ATP11A: variants seen among roughly 807,000 people sequenced by gnomAD.
ATP11A encodes ATPase phospholipid transporting 11A.
In ATP11A, 81 loss-of-function variants were observed where a neutral mutation model predicts 154.4. That is an observed-to-expected ratio of 0.52 (90% CI 0.44 to 0.63). The LOEUF is 0.63. Ranked by LOEUF, ATP11A falls within the 30% of genes least tolerant of loss-of-function variation. The pLI is 0.00. For synonymous variants in ATP11A, 623 were observed against 585.9 expected, an observed-to-expected ratio of 1.06 and a Z score of -0.91; for missense variants, 1,316 against 1,474.3, an observed-to-expected ratio of 0.89 and a Z score of 1.76.
chr13:112,721,287 T>A (rs572977607), intron 1 of ATP11A, among the ~76,000 whole-genome samples: 1 of 152,196 alleles, frequency 6.6e-6, no homozygotes, highest in Non-Finnish European at 1.5e-5. Context: ...AGGGTCCATC[T>A]TAGTCAAGAA....
rs1458948545 is a variant in ATP11A at position 112,882,967 on chromosome 13, A to G, written c.*1101A>G. 5.0e-6 allele frequency: 2 copies of G among 398,856 alleles called. No homozygotes were observed. The highest frequency in any genetic ancestry group is 8.8e-6 in the Non-Finnish European group (2 of 226,458). 24.7% of individuals were successfully genotyped at this position (398,856 alleles called of 1,614,324 possible). On this transcript the variant is annotated 3_prime_UTR_variant, in exon 30 of 30. Coordinates refer to ENST00000375645, the MANE Select transcript of ATP11A (RefSeq NM_015205.3). The surrounding 1 kb of genome is among the most constrained non-coding windows in gnomAD (Gnocchi z 5.1). ...CACCGCACCTCTGCCCGCCTCCCGCACTGCAGCTCCGCCCGCCGGGCTCTG... is the reference window on the plus strand; with the variant it reads ...CACCGCACCTCTGCCCGCCTCCCGCGCTGCAGCTCCGCCCGCCGGGCTCTG...
chr13:112,819,491 C>T (rs1331819894), intron 7 of ATP11A, 84 bp downstream of exon 7: 3 of 1,166,970 alleles, frequency 2.6e-6, no homozygotes, highest in Non-Finnish European at 3.8e-6. Context: ...GTAGTCCAGC[C>T]ATGTGGTGGT....
rs1490358265 is a variant in ATP11A, at chr13:112,838,866, T to A, written c.1705+2615T>A. On this transcript the variant is annotated intron_variant, in intron 16 of 29. Transcript: ENST00000375645. The surrounding 1 kb of genome is among the most constrained non-coding windows in gnomAD (Gnocchi z 7.3). ...CAAGGTGTTCTGTAAGTAGTAGTCA[T>A]CCCCGGAGAGGTTCACTAATTGCAC... Among the ~76,000 whole-genome samples the A allele has an allele frequency of 6.6e-6, 1 of 152,176 alleles. No homozygotes were observed. The highest frequency in any genetic ancestry group is 1.5e-5 in the Non-Finnish European group (1 of 68,020).
chr13:112,782,996 G>A (rs1296267962), intron 1 of ATP11A, among the ~76,000 whole-genome samples: 1 of 152,244 alleles, frequency 6.6e-6, no homozygotes, highest in African/African-American at 2.4e-5. Flanking sequence ...GGGGCACATG[G>A]AGACTGCTGT....
At chr13:112,784,217 TAGG>T (rs1286979605) in intron 1 of ATP11A, among the ~76,000 whole-genome samples, 2 of 152,338 alleles carry the variant, frequency 1.3e-5, no homozygotes, top group African/African-American at 2.4e-5. Flanking sequence ...CAGAAATTTC[TAGG>T]AGAAGGATGT....
chr13:112,841,967 G>A (rs918180315), intron 16 of ATP11A, among the ~76,000 whole-genome samples: 1 of 152,198 alleles, frequency 6.6e-6, no homozygotes, highest in Non-Finnish European at 1.5e-5. Context: ...CCCAACGCCC[G>A]TCCCGAGGGC....
rs1377386234 is a variant in ATP11A at position 112,711,779 on chromosome 13, G to A, written c.39+21324G>A. Among the ~76,000 whole-genome samples the A allele has an allele frequency of 3.3e-5, 5 of 152,220 alleles. No homozygotes were observed. The East Asian group carries it at 7.7e-4, about 23-fold the overall frequency. ...TGTTCCCGGGACTGGGAAACAGCCC[G>A]GATGTGTGGAGTAAGAGGCAGCTCT... On this transcript the variant is annotated intron_variant, in intron 1 of 29. Transcript: ENST00000375645.
At chr13:112,867,622 T>G (rs1021157074) in intron 25 of ATP11A, among the ~76,000 whole-genome samples, 4 of 152,222 alleles carry the variant, frequency 2.6e-5, no homozygotes, top group African/African-American at 9.6e-5. Flanking sequence ...GTGGGCACTG[T>G]GGCTCTGCTG....
chr13:112,768,444 C>A (rs767527613), intron 1 of ATP11A, among the ~76,000 whole-genome samples: 1 of 152,230 alleles, frequency 6.6e-6, no homozygotes, highest in African/African-American at 2.4e-5. Context: ...CACAGACTGT[C>A]GCCAGCTGAG....
At chr13:112,816,352 T>G (rs1456571819) in intron 6 of ATP11A, 141 bp downstream of exon 6, 9 of 1,004,842 alleles carry the variant, frequency 9.0e-6, no homozygotes, top group Non-Finnish European at 1.1e-5. Context: ...AGCCATGTTT[T>G]TCCTCACTTT....
chr13:112,699,550 T>C (rs183749869), intron 1 of ATP11A, among the ~76,000 whole-genome samples: 3 of 152,374 alleles, frequency 2.0e-5, no homozygotes, highest in South Asian at 4.1e-4. Flanking sequence ...TTGTGAACTC[T>C]GCACCGTATA....
intron 27 of ATP11A, among the ~76,000 whole-genome samples, chr13:112,873,971 A>G (rs1346709649): frequency 2.0e-5 from 3 of 152,226 alleles, no homozygotes; most frequent in Non-Finnish European, 4.4e-5. Flanking sequence ...GACCCATGTC[A>G]GATTGAAAGG....
intron 1 of ATP11A, among the ~76,000 whole-genome samples, chr13:112,720,590 G>A (rs1337012773): frequency 6.6e-6 from 1 of 151,910 alleles, no homozygotes; most frequent in Non-Finnish European, 1.5e-5. Flanking sequence ...ACGGAGTCTC[G>A]CTCTGTCGCC....
At chr13:112,739,546 G>A (rs1312230598) in intron 1 of ATP11A, among the ~76,000 whole-genome samples, 1 of 152,182 alleles carries the variant, frequency 6.6e-6, no homozygotes, top group African/African-American at 2.4e-5. Flanking sequence ...GAAGCTGCTC[G>A]GAAACACTTG....
chr13:112,714,184 A>G (rs1378704703), intron 1 of ATP11A, among the ~76,000 whole-genome samples: 1 of 121,248 alleles, frequency 8.2e-6, no homozygotes, highest in East Asian at 2.7e-4. Flanking sequence ...GTCTACTGGA[A>G]TTCCACTCCT....
rs938881408 is a variant in ATP11A at position 112,838,583 on chromosome 13, C to T, written c.1705+2332C>T. ...GCTGCATCCTGAATGCCCAAGACCT[C>T]AGGGCATTGTGGGCTATGCCGTGGA... On this transcript the variant is annotated intron_variant, in intron 16 of 29. Coordinates refer to ENST00000375645, the MANE Select transcript of ATP11A (RefSeq NM_015205.3). This position sits in a 1 kb window ranked among gnomAD's most constrained non-coding sequence, Gnocchi z 7.3. Among the ~76,000 whole-genome samples, 1 of 152,216 alleles carries T rather than the reference C, an allele frequency of 6.6e-6. No homozygotes were observed. The highest frequency in any genetic ancestry group is 6.5e-5 in the Admixed American group (1 of 15,286).
chr13:112,802,051 T>C (rs527447754), intron 2 of ATP11A, among the ~76,000 whole-genome samples: 15 of 152,116 alleles, frequency 9.9e-5, no homozygotes, highest in Admixed American at 3.3e-4. Flanking sequence ...GCTGAAAGAA[T>C]AGAGAAATAG....
intron 16 of ATP11A, among the ~76,000 whole-genome samples, chr13:112,840,943 G>A (rs1293966311): frequency 6.6e-6 from 1 of 152,184 alleles, no homozygotes; most frequent in Non-Finnish European, 1.5e-5. Context: ...GACTTCCCGA[G>A]GGCCCTCAGT....
In ATP11A at chr13:112,814,125, G is replaced by T. The variant is rs189832761; in HGVS notation, c.442-1958G>T. 5.1e-4 allele frequency among the ~76,000 whole-genome samples: 77 copies of T among 151,778 alleles called. No individual in the cohort carries two copies. In the South Asian group the frequency reaches 8.5e-3, roughly 17 times the overall value. ...GTTGCCCAGGCTGGAATGCAGTGGC[G>T]CAATCTCGGCTCACTGCCACCTCCA... On this transcript the variant is annotated intron_variant, in intron 5 of 29. Transcript: ENST00000375645.
Sources: gnomAD v4.1 joint callset for allele counts (sites outside exome capture counted in the v4.1 genomes callset) on GRCh38, gnomAD v4.1.1 for gene constraint, Gnocchi (gnomAD v3.1) non-coding constraint, MANE v1.5 for transcripts, NCBI Gene and HGNC (gene_info 2026-07-23, HGNC 2026-07-21) for gene names.